The following STYXL2 variants were observed in gnomAD, a reference collection of about 807,000 sequenced individuals.
STYXL2 encodes the protein serine/threonine/tyrosine-interacting-like protein 2.
Under a neutral mutation model 52.4 loss-of-function variants are expected in STYXL2, and 44 were observed. That is an observed-to-expected ratio of 0.84 (90% CI 0.66 to 1.08). STYXL2 has a LOEUF of 1.08. Among genes scored for constraint, STYXL2 ranks in the 50% least tolerant of loss-of-function variants. The pLI is 0.00. For synonymous variants in STYXL2, 604 were observed against 586.9 expected (o/e 1.03, Z -0.42); for missense variants, 1,604 against 1,471.7 (o/e 1.09, Z -1.47).
chr1:167,106,356 G>A (rs945045447), intron 2 of STYXL2, among the ~76,000 whole-genome samples: 9 of 152,094 alleles, frequency 5.9e-5, no homozygotes, highest in Admixed American at 5.2e-4. Flanking sequence ...ATGTGAGAAA[G>A]CCTCTTTGGG....
At chr1:167,106,266 C>CTT (rs796747602) in intron 2 of STYXL2, among the ~76,000 whole-genome samples, 10 of 152,312 alleles carry the variant, frequency 6.6e-5, no homozygotes, top group African/African-American at 2.2e-4. Context: ...CTTGCAAGGC[C>CTT]TTTCTGCACA....
intron 2 of STYXL2, among the ~76,000 whole-genome samples, chr1:167,100,538 C>T (rs1359528081): frequency 6.6e-6 from 1 of 152,208 alleles, no homozygotes; most frequent in African/African-American, 2.4e-5. Context: ...CACAATTTTA[C>T]ATCACCTTAG....
Position 167,127,239 on chromosome 1 carries a change from C to G in STYXL2, c.2108C>G (p.Pro703Arg), listed in dbSNP as rs778626028. 10 of 1,614,080 alleles carry G rather than the reference C, an allele frequency of 6.2e-6. No individual in the cohort carries two copies. In the East Asian group the frequency reaches 1.3e-4, roughly 22 times the overall value. The change falls in exon 6 of 6, where the codon CCC (proline) becomes CGC (arginine). Residue 703 changes from proline (P) to arginine (R), a missense_variant. By Grantham distance (103) the Pro-to-Arg change is moderately radical. Coordinates refer to ENST00000361200, the MANE Select transcript of STYXL2 (RefSeq NM_001080426.3). The part of the protein sequence containing the change: ...SNIAGCSTSN[P>R]TTPLPNLPVG... ...ATAGCGGGGTGTTCAACCTCCAACCCCACCACACCCCTGCCTAACCTGCCA... is the reference window on the plus strand; with the variant it reads ...ATAGCGGGGTGTTCAACCTCCAACCGCACCACACCCCTGCCTAACCTGCCA...
At chr1:167,111,501 TATATATATATATAC>T (rs1158075561) in intron 2 of STYXL2, among the ~76,000 whole-genome samples, 3 of 48,100 alleles carry the variant, frequency 6.2e-5, no homozygotes, top group African/African-American at 4.8e-4. Context: ...TATATATATA[TATATATATATATAC>T]ACACACACAC....
chr1:167,124,946 T>TAAAAAA (rs10531474), intron 5 of STYXL2, among the ~76,000 whole-genome samples: 2 of 129,696 alleles, frequency 1.5e-5, no homozygotes, highest in Non-Finnish European at 1.7e-5. Context: ...TACAAACTCC[T>TAAAAAA]AAAAAAAAAA....
At position 167,127,777 on chromosome 1, in the gene STYXL2, G is replaced by C; in HGVS notation, c.2646G>C (p.Val882=). The change falls in exon 6 of 6, where the codon GTG becomes GTC. Residue 882 remains valine, a synonymous_variant. Transcript: ENST00000361200. The part of the protein sequence containing the change: ...KKVKEDEDDG[V]GDGDEDTDSA... Reference sequence around the variant, plus strand: ...TCAAGGAAGATGAGGATGATGGTGTGGGTGATGGGGATGAGGACACTGACA... The same window carrying C: ...TCAAGGAAGATGAGGATGATGGTGTCGGTGATGGGGATGAGGACACTGACA... 6.2e-7 allele frequency: 1 copy of C among 1,613,984 alleles called. No individual in the cohort carries two copies.
At chr1:167,118,071 A>G (rs1160629932) in intron 4 of STYXL2, among the ~76,000 whole-genome samples, 1 of 152,232 alleles carries the variant, frequency 6.6e-6, no homozygotes, top group Non-Finnish European at 1.5e-5. Context: ...CAGTTAGGAA[A>G]TGTGAGAAAA....
At chr1:167,113,591 C>T (rs1027887860) in intron 2 of STYXL2, 119 bp from the exon 3 acceptor site, 1 of 783,168 alleles carries the variant, frequency 1.3e-6, no homozygotes, top group African/African-American at 1.7e-5. Context: ...GAAGGCTTTG[C>T]CTTGATCACT....
chr1:167,122,211 CAGCAAA>C (rs752867959), intron 5 of STYXL2, among the ~76,000 whole-genome samples: 1 of 151,884 alleles, frequency 6.6e-6, no homozygotes, highest in Non-Finnish European at 1.5e-5. Flanking sequence ...CCTTCACAAG[CAGCAAA>C]GGCATTAATT....
Position 167,126,672 on chromosome 1 carries a change from G to C in STYXL2, c.1541G>C (p.Arg514Thr). The change falls in exon 6 of 6, where the codon AGG becomes ACG. Residue 514 changes from arginine (R) to threonine (T), a missense_variant. Physicochemically the swap from Arg to Thr is moderately conservative, Grantham distance 71. Coordinates refer to ENST00000361200, the MANE Select transcript of STYXL2 (RefSeq NM_001080426.3). ...AADRSSEAGS[R>T]VREDDEDSVG... ...GACAGGAGCTCAGAAGCAGGGAGCA[G>C]GGTGCGGGAGGATGATGAGGACAGC... is the stretch of plus-strand genomic sequence containing the variant. 3 of 1,614,178 alleles carry C rather than the reference G, an allele frequency of 1.9e-6. No homozygotes were observed. The highest frequency in any genetic ancestry group is 2.5e-6 in the Non-Finnish European group (3 of 1,180,030).
intron 5 of STYXL2, among the ~76,000 whole-genome samples, chr1:167,125,127 A>G (rs1283433330): frequency 6.6e-6 from 1 of 152,230 alleles, no homozygotes; most frequent in Non-Finnish European, 1.5e-5. Context: ...GGATTTTTGT[A>G]TAAAAGCCCT....
At chr1:167,106,457 T>C (rs1667508595) in intron 2 of STYXL2, among the ~76,000 whole-genome samples, 1 of 152,220 alleles carries the variant, frequency 6.6e-6, no homozygotes, top group South Asian at 2.1e-4. Flanking sequence ...AATACAATAA[T>C]TCTCAACATG....
rs55929928 is a variant in STYXL2 at position 167,128,629 on chromosome 1, A to T, written c.*21A>T. The T allele has an allele frequency of 5.5e-3, 8,818 of 1,594,516 alleles. 392 individuals are homozygous for T. In the African/African-American group the frequency reaches 0.11, roughly 19 times the overall value. ...ACTGAGCTGGGGAAAATCTGAGAAC[A>T]CTGAAAGAAACCACTCACGTTAGCA... is the stretch of plus-strand genomic sequence containing the variant. On this transcript the variant is annotated 3_prime_UTR_variant, in exon 6 of 6. Coordinates refer to ENST00000361200, the MANE Select transcript of STYXL2 (RefSeq NM_001080426.3).
At chr1:167,096,752 T>G (rs2102218372) in intron 2 of STYXL2, among the ~76,000 whole-genome samples, 1 of 152,308 alleles carries the variant, frequency 6.6e-6, no homozygotes, top group South Asian at 2.1e-4. Flanking sequence ...GAAATCAGTG[T>G]GTCGATAATA....
At position 167,113,881 on chromosome 1, in the gene STYXL2, C is replaced by T. The variant is rs934147532; in HGVS notation, c.205+77C>T. ...CCCTTAGAGGGGGGCCATTGGAAGA[C>T]GTCAATGTGCCTCTCAGGTGCTGCC... On this transcript the variant is annotated intron_variant, in intron 3 of 5. Coordinates refer to ENST00000361200, the MANE Select transcript of STYXL2 (RefSeq NM_001080426.3). The T allele has an allele frequency of 6.5e-5, 73 of 1,114,716 alleles. No homozygotes were observed. In the East Asian group the frequency reaches 1.3e-3, roughly 20 times the overall value. The allele number at this position is 1,114,716 out of a possible 1,614,324, so 69.1% of individuals were successfully genotyped here.
intron 5 of STYXL2, among the ~76,000 whole-genome samples, chr1:167,123,296 C>T (rs1667895672): frequency 6.6e-6 from 1 of 152,170 alleles, no homozygotes; most frequent in African/African-American, 2.4e-5. Context: ...CCTTTAGGCT[C>T]CTCAGAGGAG....
chr1:167,103,167 A>C (rs1667437338), intron 2 of STYXL2, among the ~76,000 whole-genome samples: 1 of 152,186 alleles, frequency 6.6e-6, no homozygotes, highest in Non-Finnish European at 1.5e-5. Context: ...CTCTTCTCTT[A>C]TAAGGACACT....
chr1:167,112,505 A>T (rs1324218768), intron 2 of STYXL2, among the ~76,000 whole-genome samples: 1 of 152,202 alleles, frequency 6.6e-6, no homozygotes, highest in Non-Finnish European at 1.5e-5. Flanking sequence ...CATCTGATGC[A>T]TGCATCTAGG....
intron 2 of STYXL2, among the ~76,000 whole-genome samples, chr1:167,107,298 A>G (rs1303985949): frequency 6.6e-6 from 1 of 152,188 alleles, no homozygotes; most frequent in Non-Finnish European, 1.5e-5. Flanking sequence ...ACCATGTTGT[A>G]TTCTATTGGT....
Sources: allele counts gnomAD v4.1 joint callset (sites outside exome capture counted in the v4.1 genomes callset), GRCh38; gene constraint gnomAD v4.1.1; transcripts MANE v1.5; gene names NCBI Gene and HGNC (gene_info 2026-07-23, HGNC 2026-07-21).